ACMSD: variants seen among roughly 807,000 people sequenced by gnomAD.
ACMSD encodes 2-amino-3-carboxymuconate-6-semialdehyde decarboxylase.
ACMSD carries 37 observed loss-of-function variants against 45.9 expected under a neutral mutation model. The observed-to-expected ratio is 0.81, with a 90% CI of 0.62 to 1.06. The LOEUF (loss-of-function observed/expected upper bound fraction) is 1.06. ACMSD is among the 50% of genes least tolerant of loss of function. The pLI is 0.00. For synonymous variants in ACMSD, 138 were observed against 148.8 expected (o/e 0.93, Z 0.53); for missense variants, 434 against 420.9 (o/e 1.03, Z -0.27).
intron 2 of ACMSD, 26 bp downstream of exon 2, chr2:134,845,303 T>G (rs977787715): frequency 6.2e-7 from 1 of 1,613,898 alleles, no homozygotes. Flanking sequence ...AGTATGAACA[T>G]CAGTAGCACT....
At chr2:134,890,083 T>C (rs1266579562) in intron 8 of ACMSD, among the ~76,000 whole-genome samples, 2 of 152,042 alleles carry the variant, frequency 1.3e-5, no homozygotes, top group African/African-American at 4.8e-5. Context: ...AAGGACAAGA[T>C]ATTTAAATGA....
intron 8 of ACMSD, among the ~76,000 whole-genome samples, chr2:134,876,603 T>G (rs1688745583): frequency 1.3e-5 from 2 of 152,268 alleles, no homozygotes; most frequent in Non-Finnish European, 2.9e-5. Context: ...CGACAATGCC[T>G]TCTTCTGGAA....
chr2:134,894,615 C>T (rs1357960740), intron 8 of ACMSD, among the ~76,000 whole-genome samples: 2 of 152,088 alleles, frequency 1.3e-5, no homozygotes, highest in Admixed American at 6.5e-5. Flanking sequence ...TGGAAGGGAA[C>T]ATCCTCAACC....
intron 8 of ACMSD, among the ~76,000 whole-genome samples, chr2:134,892,517 G>C (rs1308980520): frequency 6.6e-6 from 1 of 151,990 alleles, no homozygotes; most frequent in Non-Finnish European, 1.5e-5. Context: ...GTGGACAGGA[G>C]CTGAGACTTC....
intron 2 of ACMSD, among the ~76,000 whole-genome samples, chr2:134,856,147 A>G (rs1687570627): frequency 6.6e-6 from 1 of 152,236 alleles, no homozygotes. Flanking sequence ...TTTCATGCTG[A>G]CATGATCCCT....
chr2:134,858,689 G>A (rs901017947), intron 2 of ACMSD, among the ~76,000 whole-genome samples: 9 of 152,046 alleles, frequency 5.9e-5, no homozygotes, highest in Non-Finnish European at 1.3e-4. Flanking sequence ...ACCCAGGCAA[G>A]CATGATGCCT....
intron 2 of ACMSD, among the ~76,000 whole-genome samples, chr2:134,854,252 C>T (rs1208376946): frequency 6.6e-6 from 1 of 152,224 alleles, no homozygotes; most frequent in African/African-American, 2.4e-5. Flanking sequence ...AAGTTCTTTA[C>T]ATTCTATGAT....
intron 8 of ACMSD, among the ~76,000 whole-genome samples, chr2:134,890,707 G>C (rs1235762964): frequency 1.3e-5 from 2 of 151,952 alleles, no homozygotes; most frequent in Non-Finnish European, 2.9e-5. Context: ...GCTCAAAGAA[G>C]TGTGTATATA....
At position 134,898,180 on chromosome 2, in the gene ACMSD, T is replaced by C. The variant is rs114445888; in HGVS notation, c.850-161T>C. On this transcript the variant is annotated intron_variant, in intron 8 of 9. Coordinates refer to ENST00000356140, the MANE Select transcript of ACMSD (RefSeq NM_138326.3). ...AAAAGTCAGAATAAAATTTGAACCA[T>C]TAAATCTTTTTAAAATTTTAGACAA... Among the ~76,000 whole-genome samples the C allele has an allele frequency of 5.0e-3, 757 of 152,152 alleles. 9 individuals carry two copies. The highest frequency in any genetic ancestry group is 0.017 in the African/African-American group (722 of 41,556).
intron 5 of ACMSD, among the ~76,000 whole-genome samples, chr2:134,866,049 A>C (rs1410118118): frequency 6.6e-6 from 1 of 152,212 alleles, no homozygotes; most frequent in African/African-American, 2.4e-5. Context: ...TTGTGAGAGT[A>C]TAACTTCTTT....
chr2:134,891,803 C>T (rs1001089977), intron 8 of ACMSD, among the ~76,000 whole-genome samples: 16 of 151,954 alleles, frequency 1.1e-4, no homozygotes, highest in Admixed American at 2.6e-4. Flanking sequence ...AGCACTATCA[C>T]AATAGCAAAG....
At chr2:134,879,928 T>G (rs1244428404) in intron 8 of ACMSD, among the ~76,000 whole-genome samples, 1 of 152,208 alleles carries the variant, frequency 6.6e-6, no homozygotes, top group Non-Finnish European at 1.5e-5. Flanking sequence ...TCTCATTGGA[T>G]TCCTTGTTTG....
At chr2:134,867,539 C>G in intron 5 of ACMSD, 40 bp from the exon 6 acceptor site, 3 of 1,545,514 alleles carry the variant, frequency 1.9e-6, no homozygotes, top group African/African-American at 1.4e-5. Context: ...GCTCACTCAT[C>G]AAAGTAACCC....
intron 8 of ACMSD, among the ~76,000 whole-genome samples, chr2:134,886,246 A>ATTATTATTATTTTTTTTTTTTT: frequency 1.7e-5 from 2 of 115,474 alleles, no homozygotes; most frequent in African/African-American, 7.2e-5. Flanking sequence ...TATTATTATT[A>ATTATTATTATTTTTTTTTTTTT]TTTTTTTTTT....
At chr2:134,876,070 T>G (rs1688717075) in intron 8 of ACMSD, among the ~76,000 whole-genome samples, 1 of 152,024 alleles carries the variant, frequency 6.6e-6, no homozygotes, top group Non-Finnish European at 1.5e-5. Flanking sequence ...ACAGTAAAAA[T>G]AAGATGTAAA....
rs148040256 is a variant in ACMSD, at chr2:134,846,911, G to C, written c.102+1634G>C. Among the ~76,000 whole-genome samples, 189 of 152,296 alleles carry C rather than the reference G, an allele frequency of 1.2e-3. 5 individuals are homozygous for C. The Middle Eastern group carries it at 0.038, about 30-fold the overall frequency. On this transcript the variant is annotated intron_variant, in intron 2 of 9. Transcript: ENST00000356140. Reference sequence around the variant, plus strand: ...GTGATAGAGAGCAAGAGGCTGGCTGGTCTGTGACCTGGCAAAGGCTTCGAG... The same window carrying C: ...GTGATAGAGAGCAAGAGGCTGGCTGCTCTGTGACCTGGCAAAGGCTTCGAG...
Position 134,857,971 on chromosome 2 carries a change from G to A in ACMSD, c.103-1290G>A, listed in dbSNP as rs965235771. 8 of 151,810 alleles carry A rather than the reference G, an allele frequency of 5.3e-5. No homozygotes were observed. The South Asian group carries it at 1.7e-3, about 32-fold the overall frequency. 9.4% of individuals were successfully genotyped at this position (151,810 alleles called of 1,614,324 possible). A position where few individuals can be genotyped will look rare whatever the true frequency, so the allele number is the denominator to read the frequency against. On this transcript the variant is annotated intron_variant, in intron 2 of 9. Coordinates refer to ENST00000356140, the MANE Select transcript of ACMSD (RefSeq NM_138326.3). ...TCTGTATCTATTGATATGATCATAT[G>A]TTTTCCTGAGAAAAAGTAAAAATAG...
At chr2:134,874,088 C>A (rs1181574449) in intron 8 of ACMSD, among the ~76,000 whole-genome samples, 1 of 152,314 alleles carries the variant, frequency 6.6e-6, no homozygotes, top group Admixed American at 6.5e-5. Flanking sequence ...CAGTGCAATA[C>A]ACATTGGCCA....
chr2:134,898,480 C>G, intron 9 of ACMSD, 41 bp downstream of exon 9: 1 of 1,443,068 alleles, frequency 6.9e-7, no homozygotes, highest in Non-Finnish European at 9.4e-7. Context: ...ACTGACTTTT[C>G]CTGCTCTAAT....
Sources: allele counts gnomAD v4.1 joint callset (sites outside exome capture counted in the v4.1 genomes callset), GRCh38; gene constraint gnomAD v4.1.1; transcripts MANE v1.5; gene names NCBI Gene and HGNC (gene_info 2026-07-23, HGNC 2026-07-21).